The following PHF12 variants were observed in gnomAD, a reference collection of about 807,000 sequenced individuals.
PHF12 encodes the protein PHD finger protein 12.
A neutral mutation model predicts 99.8 loss-of-function variants in PHF12; 6 were observed. The ratio of observed to expected loss-of-function variants is 0.06; its 90% CI spans 0.03 to 0.12. PHF12 has a LOEUF of 0.12. Among genes scored for constraint, PHF12 ranks in the 10% least tolerant of loss-of-function variants. The pLI is 1.00. For synonymous variants in PHF12, 480 were observed against 514.9 expected, an observed-to-expected ratio of 0.93 and a Z score of 0.92; for missense variants, 954 against 1,300.1, an observed-to-expected ratio of 0.73 and a Z score of 4.09.
At chr17:28,918,811 CA>C (rs1489125047) in intron 6 of PHF12, among the ~76,000 whole-genome samples, 2 of 152,228 alleles carry the variant, frequency 1.3e-5, no homozygotes, top group Non-Finnish European at 2.9e-5. Flanking sequence ...ACATGTACCC[CA>C]GACAGCCAAC....
intron 2 of PHF12, chr17:28,929,794 C>T (rs1352988386): frequency 1.3e-5 from 2 of 152,246 alleles, no homozygotes; most frequent in East Asian, 3.9e-4. Flanking sequence ...TCTCCAAGCC[C>T]TAGAGGACCA....
rs1331445512 is a variant in PHF12, at chr17:28,950,109, G to A, written c.204C>T (p.Leu68=). ...SCDSCKEGGD[L]LCCDHCPAAF... is the part of the protein sequence containing the mutation. The stretch of plus-strand genomic sequence containing the variant: ...CAGCCGGGCAGTGGTCGCAGCACAG[G>A]AGATCTCCACCTTCCTTGCAGCTAT... Residue 68 remains leucine, a synonymous_variant, in exon 2 of 15, where the codon CTC becomes CTT. Transcript: ENST00000332830. This position sits in a 1 kb window ranked among gnomAD's most constrained non-coding sequence, Gnocchi z 5.7. 19 of 1,614,020 alleles carry A rather than the reference G, an allele frequency of 1.2e-5. No homozygotes were observed. Among genetic ancestry groups the A allele is most frequent in the Non-Finnish European group, 1.6e-5 (19 of 1,179,998 alleles).
intron 2 of PHF12, chr17:28,930,115 C>T (rs1384410864): frequency 2.6e-5 from 4 of 152,096 alleles, no homozygotes; most frequent in Non-Finnish European, 4.4e-5. Context: ...ATCAGTTGGC[C>T]GGCTCCCTAC....
At chr17:28,919,722 CAG>C (rs1407931975) in intron 5 of PHF12, among the ~76,000 whole-genome samples, 1 of 152,206 alleles carries the variant, frequency 6.6e-6, no homozygotes, top group Non-Finnish European at 1.5e-5. Flanking sequence ...GCCTGGGTGA[CAG>C]AGAGAGACTC....
chr17:28,916,940 C>T (rs1407560570), intron 7 of PHF12, among the ~76,000 whole-genome samples: 2 of 152,192 alleles, frequency 1.3e-5, no homozygotes. Context: ...TTTACTTTGC[C>T]TCTTGGACAG....
Position 28,906,492 on chromosome 17 carries a change from G to T in PHF12, c.2706C>A (p.Asp902Glu). Residue 902 changes from aspartate to glutamate, a missense_variant, in exon 15 of 15, where the codon GAC becomes GAA. Around this residue, in one of 8 missense-constraint regions of PHF12, gnomAD observed 136 missense variants for 172.3 expected, o/e 0.79. Transcript: ENST00000332830. This position sits in a 1 kb window ranked among gnomAD's most constrained non-coding sequence, Gnocchi z 4.2. ...TGGCTGCCTCCTCACTTGGCTCTTC[G>T]TCCTGTTTCTGGTGCCGGCGGCGCC... Reference protein sequence around the residue: ...VIRRRRHQKQDEEPSEEAAMM... With the variant: ...VIRRRRHQKQEEEPSEEAAMM... 1 of 1,605,962 alleles carries T rather than the reference G, an allele frequency of 6.2e-7. No homozygotes were observed. Among genetic ancestry groups the T allele is most frequent in the South Asian group, 1.1e-5 (1 of 90,854 alleles).
chr17:28,920,223 C>T (rs891902456), intron 5 of PHF12, among the ~76,000 whole-genome samples: 1 of 152,172 alleles, frequency 6.6e-6, no homozygotes, highest in Non-Finnish European at 1.5e-5. Context: ...CAGAGTTCTG[C>T]CACTCTACTA....
At chr17:28,907,019 ATGTG>A in intron 13 of PHF12, 25 bp from the exon 14 acceptor site, 1 of 1,590,142 alleles carries the variant, frequency 6.3e-7, no homozygotes, top group African/African-American at 1.3e-5. Context: ...GGGAGATAAG[ATGTG>A]TGGTCTGCTG....
At chr17:28,929,874 C>T (rs555259531) in intron 2 of PHF12, 110 of 152,336 alleles carry the variant, frequency 7.2e-4, no homozygotes, top group African/African-American at 2.6e-3. Flanking sequence ...CACATCTAAA[C>T]TACTGAAATG....
chr17:28,913,377 C>T (rs1046113240), intron 8 of PHF12, 100 bp from the exon 9 acceptor site: 70 of 1,497,734 alleles, frequency 4.7e-5, no homozygotes, highest in South Asian at 9.4e-5. Context: ...AAGCAGTTTC[C>T]GAGGTCCCAT....
At chr17:28,907,059 G>C in intron 13 of PHF12, 65 bp from the exon 14 acceptor site, 2 of 1,521,820 alleles carry the variant, frequency 1.3e-6, no homozygotes, top group Admixed American at 3.8e-5. Context: ...TAAGGGGAGA[G>C]AGGACATATG....
intron 2 of PHF12, among the ~76,000 whole-genome samples, chr17:28,932,717 G>A (rs1242437122): frequency 1.3e-5 from 2 of 152,106 alleles, no homozygotes; most frequent in African/African-American, 4.8e-5. Flanking sequence ...AGGCCAAGGT[G>A]GGTGGGTCAC....
At chr17:28,910,494 A>G (rs2039939839) in intron 10 of PHF12, 125 bp from the exon 11 acceptor site, 1 of 1,159,816 alleles carries the variant, frequency 8.6e-7, no homozygotes, top group East Asian at 2.5e-5. Flanking sequence ...TTACTCAAAC[A>G]GCATTGAGTG....
intron 12 of PHF12, 45 bp from the exon 13 acceptor site, chr17:28,907,717 T>C (rs372161716): frequency 1.4e-5 from 22 of 1,574,940 alleles, no homozygotes; most frequent in African/African-American, 1.4e-4. Context: ...AGAGAACAGA[T>C]TGTAAGGTGC....
intron 10 of PHF12, 134 bp downstream of exon 10, chr17:28,910,978 C>T: frequency 7.9e-7 from 1 of 1,273,024 alleles, no homozygotes; most frequent in South Asian, 1.5e-5. Context: ...AAAGGATACT[C>T]CTCATTCCCA....
intron 7 of PHF12, among the ~76,000 whole-genome samples, chr17:28,914,670 T>TTA (rs1197067001): frequency 7.9e-4 from 14 of 17,814 alleles, no homozygotes; most frequent in Non-Finnish European, 1.2e-3. Context: ...AGACTCCGTC[T>TTA]CAAAAAAAAA....
At chr17:28,917,556 G>A in intron 6 of PHF12, 107 bp from the exon 7 acceptor site, 2 of 1,269,956 alleles carry the variant, frequency 1.6e-6, no homozygotes, top group Non-Finnish European at 2.2e-6. Context: ...AGCCACATAG[G>A]TTCCCTCAAT....
At chr17:28,909,592 A>G (rs1342298936) in intron 11 of PHF12, 4 of 153,124 alleles carry the variant, frequency 2.6e-5, no homozygotes, top group African/African-American at 7.2e-5. Flanking sequence ...TTATTTATTT[A>G]TTTACTTATT....
In PHF12 at chr17:28,951,132, G is replaced by A; in HGVS notation, c.-172C>T. On this transcript the variant is annotated 5_prime_UTR_variant, in exon 1 of 15. Coordinates refer to ENST00000332830, the MANE Select transcript of PHF12 (RefSeq NM_001033561.2). Reference sequence around the variant, plus strand: ...CCCCCCGGCCCCCAGTCCCCGGGACGACAGCGTCCTCCCGACGGGCCGCGA... The same window carrying A: ...CCCCCCGGCCCCCAGTCCCCGGGACAACAGCGTCCTCCCGACGGGCCGCGA... The A allele has an allele frequency of 1.4e-6, 2 of 1,436,680 alleles. No individual in the cohort carries two copies. Among genetic ancestry groups the A allele is most frequent in the South Asian group, 2.9e-5 (2 of 69,342 alleles). 89.0% of individuals were successfully genotyped at this position (1,436,680 alleles called of 1,614,324 possible). A position where few individuals can be genotyped will look rare whatever the true frequency, so the allele number is the denominator to read the frequency against.
Sources: gnomAD v4.1 joint callset for allele counts (sites outside exome capture counted in the v4.1 genomes callset) on GRCh38, gnomAD v4.1.1 for gene constraint, gnomAD v4.1.1 regional missense constraint, Gnocchi (gnomAD v3.1) non-coding constraint, MANE v1.5 for transcripts, NCBI Gene and HGNC (gene_info 2026-07-23, HGNC 2026-07-21) for gene names.